The following SLC22A3 variants were observed in gnomAD, a reference collection of about 807,000 sequenced individuals.
SLC22A3 encodes solute carrier family 22 member 3, also known as EMT organic cation transporter 3.
SLC22A3 carries 51 observed loss-of-function variants against 59.1 expected under a neutral mutation model. The ratio of observed to expected loss-of-function variants is 0.86; its 90% confidence interval spans 0.69 to 1.09. The LOEUF (loss-of-function observed/expected upper bound fraction) is 1.09, where lower values mean the gene tolerates loss of function less well. SLC22A3 is among the 50% of genes least tolerant of loss of function. The pLI is 0.00. For synonymous variants in SLC22A3, 325 were observed against 292.0 expected (o/e 1.11, Z -1.15); for missense variants, 711 against 726.3 (o/e 0.98, Z 0.24).
intron 1 of SLC22A3, among the ~76,000 whole-genome samples, chr6:160,390,166 C>A (rs1786193489): frequency 6.6e-6 from 1 of 152,182 alleles, no homozygotes; most frequent in Non-Finnish European, 1.5e-5. Context: ...TGGCTATGAT[C>A]CACTTGTTAA....
At chr6:160,390,447 T>C (rs922394243) in intron 1 of SLC22A3, among the ~76,000 whole-genome samples, 5 of 152,170 alleles carry the variant, frequency 3.3e-5, no homozygotes, top group African/African-American at 1.2e-4. Flanking sequence ...CCTCTTCTCC[T>C]GTGCTCCATC....
intron 7 of SLC22A3, among the ~76,000 whole-genome samples, chr6:160,439,756 C>T (rs774010135): frequency 6.6e-6 from 1 of 152,190 alleles, no homozygotes; most frequent in Admixed American, 6.5e-5. Context: ...CTTCTGCAGA[C>T]TTGGCTGCTT....
intron 5 of SLC22A3, among the ~76,000 whole-genome samples, chr6:160,432,570 G>A: frequency 6.6e-6 from 1 of 151,950 alleles, no homozygotes; most frequent in East Asian, 1.9e-4. Flanking sequence ...TGGGATTACA[G>A]ATGCCCACCA....
intron 7 of SLC22A3, 152 bp from the exon 8 acceptor site, chr6:160,442,609 T>C (rs1788588301): frequency 1.4e-6 from 1 of 705,196 alleles, no homozygotes; most frequent in East Asian, 2.7e-5. Flanking sequence ...TGTTGAAATT[T>C]GGTTACATTA....
At chr6:160,355,488 A>G (rs561059000) in intron 1 of SLC22A3, among the ~76,000 whole-genome samples, 126 of 151,962 alleles carry the variant, frequency 8.3e-4, no homozygotes, top group Admixed American at 2.0e-3. Context: ...TCGGCCGGGC[A>G]CGGTGGCTCA....
chr6:160,402,362 G>GATAT (rs1277020222), intron 2 of SLC22A3, among the ~76,000 whole-genome samples: 4 of 151,734 alleles, frequency 2.6e-5, no homozygotes, highest in African/African-American at 7.2e-5. Context: ...TATGTGTTTA[G>GATAT]TAGCAGAGCA....
chr6:160,438,907 C>T (rs1190825036), intron 7 of SLC22A3, among the ~76,000 whole-genome samples: 3 of 152,240 alleles, frequency 2.0e-5, no homozygotes, highest in Admixed American at 2.0e-4. Context: ...ACTCCTATCT[C>T]TGCCTCCATA....
At position 160,348,620 on chromosome 6, in the gene SLC22A3, G is replaced by A; in HGVS notation, c.201G>A (p.Pro67=). 6.6e-7 allele frequency: 1 copy of A among 1,504,130 alleles called. No individual in the cohort carries two copies. Among genetic ancestry groups the A allele is most frequent in the East Asian group, 2.7e-5 (1 of 36,546 alleles). 93.2% of individuals were successfully genotyped at this position (1,504,130 alleles called of 1,614,324 possible). Reference sequence around the variant, plus strand: ...TGGCCGAGCGCTGCGGCTGGAGCCCGGAGGAGGAGTGGAACCGCACGGCGC... The same window carrying A: ...TGGCCGAGCGCTGCGGCTGGAGCCCAGAGGAGGAGTGGAACCGCACGGCGC... The part of the protein sequence containing the change: ...AALAERCGWS[P]EEEWNRTAPA... The change falls in exon 1 of 11, where the codon CCG becomes CCA. Residue 67 remains proline (P), a synonymous_variant. Transcript: ENST00000275300.
At chr6:160,360,604 A>G (rs966835269) in intron 1 of SLC22A3, among the ~76,000 whole-genome samples, 8 of 152,262 alleles carry the variant, frequency 5.3e-5, no homozygotes, top group Non-Finnish European at 1.2e-4. Flanking sequence ...AAAGTCCAGC[A>G]TTAGTCAAAT....
At chr6:160,382,938 A>G (rs1785850718) in intron 1 of SLC22A3, among the ~76,000 whole-genome samples, 3 of 152,238 alleles carry the variant, frequency 2.0e-5, no homozygotes, top group African/African-American at 7.2e-5. Flanking sequence ...AGCATATTGG[A>G]GATGGCAGAA....
intron 1 of SLC22A3, among the ~76,000 whole-genome samples, chr6:160,358,089 A>G (rs1450334218): frequency 6.6e-6 from 1 of 152,234 alleles, no homozygotes; most frequent in African/African-American, 2.4e-5. Flanking sequence ...GATAATAACA[A>G]TTTATTGTTG....
chr6:160,384,870 A>C (rs906146630), intron 1 of SLC22A3, among the ~76,000 whole-genome samples: 1 of 152,116 alleles, frequency 6.6e-6, no homozygotes, highest in East Asian at 1.9e-4. Context: ...ATGCAGGGAA[A>C]GCAGGCTCCG....
chr6:160,387,135 C>G (rs1786052799), intron 1 of SLC22A3, among the ~76,000 whole-genome samples: 1 of 152,206 alleles, frequency 6.6e-6, no homozygotes, highest in Non-Finnish European at 1.5e-5. Flanking sequence ...GTGGCAACTG[C>G]CCGAGCACCC....
At chr6:160,357,478 G>A (rs1039677984) in intron 1 of SLC22A3, among the ~76,000 whole-genome samples, 10 of 152,198 alleles carry the variant, frequency 6.6e-5, no homozygotes, top group Admixed American at 5.9e-4. Flanking sequence ...GACGCCGTAA[G>A]CTGATGCTTC....
At chr6:160,424,638 T>C (rs1375106699) in intron 5 of SLC22A3, among the ~76,000 whole-genome samples, 1 of 152,156 alleles carries the variant, frequency 6.6e-6, no homozygotes, top group Non-Finnish European at 1.5e-5. Flanking sequence ...ATTCTGCATG[T>C]TAAGTAGGGT....
rs776119192 is a variant in SLC22A3, at chr6:160,408,888, C to G, written c.824C>G (p.Thr275Arg). Reference sequence around the variant, plus strand: ...TGGCAAGGAATCCAGTTAGCCATCACGCTGCCCAGCTTTCTCTTCCTCCTT... The same window carrying G: ...TGGCAAGGAATCCAGTTAGCCATCAGGCTGCCCAGCTTTCTCTTCCTCCTT... ...PNWQGIQLAI[T>R]LPSFLFLLYY... Residue 275 changes from threonine to arginine, a missense_variant, in exon 4 of 11, where the codon ACG (threonine) becomes AGG (arginine). Transcript: ENST00000275300. 5 of 1,613,638 alleles carry G rather than the reference C, an allele frequency of 3.1e-6. No individual in the cohort carries two copies. The highest frequency in any genetic ancestry group is 4.2e-6 in the Non-Finnish European group (5 of 1,179,848).
intron 10 of SLC22A3, among the ~76,000 whole-genome samples, chr6:160,450,638 A>G (rs1360866120): frequency 2.6e-5 from 4 of 152,206 alleles, no homozygotes; most frequent in African/African-American, 9.7e-5. Flanking sequence ...CCATATTAAA[A>G]TGAAATATTC....
In SLC22A3 at chr6:160,403,273, G is replaced by C. The variant is rs1387515441; in HGVS notation, c.534-3768G>C. 2.0e-5 allele frequency among the ~76,000 whole-genome samples: 3 copies of C among 151,806 alleles called. No homozygotes were observed. The East Asian group carries it at 5.8e-4, about 29-fold the overall frequency. ...AATAAAGAAATACTATGAACACTCTGTGTTCACAAATTTGATAACCTACAT... is the reference window on the plus strand; with the variant it reads ...AATAAAGAAATACTATGAACACTCTCTGTTCACAAATTTGATAACCTACAT... On this transcript the variant is annotated intron_variant, in intron 2 of 10. Coordinates refer to ENST00000275300, the MANE Select transcript of SLC22A3 (RefSeq NM_021977.4).
intron 5 of SLC22A3, chr6:160,426,300 A>C: frequency 1.0e-6 from 1 of 985,400 alleles, no homozygotes; most frequent in Non-Finnish European, 1.2e-6. Flanking sequence ...CCGAGATGAC[A>C]GTGGTTTTGG....
Sources: allele counts gnomAD v4.1 joint callset (sites outside exome capture counted in the v4.1 genomes callset), GRCh38; gene constraint gnomAD v4.1.1; transcripts MANE v1.5; gene names NCBI Gene and HGNC (gene_info 2026-07-23, HGNC 2026-07-21).